The following DLG2 variants were observed in gnomAD, a reference collection of about 807,000 sequenced individuals.
DLG2 encodes disks large homolog 2.
Under a neutral mutation model 132.5 loss-of-function variants are expected in DLG2, and 45 were observed. The ratio of observed to expected loss-of-function variants is 0.34; its 90% CI spans 0.27 to 0.44. DLG2 has a LOEUF of 0.44. Ranked by LOEUF, DLG2 falls within the 20% of genes least tolerant of loss-of-function variation. The pLI, the probability that DLG2 is intolerant of heterozygous loss-of-function variation, is 1.00. For missense variants in DLG2, 1,045 were observed against 1,196.9 expected, an observed-to-expected ratio of 0.87 and a Z score of 1.87; for synonymous variants, 424 against 419.6, an observed-to-expected ratio of 1.01 and a Z score of -0.13.
chr11:84,156,379 C>T (rs1037470081), intron 9 of DLG2, among the ~76,000 whole-genome samples: 2 of 152,098 alleles, frequency 1.3e-5, no homozygotes, highest in African/African-American at 2.4e-5. Flanking sequence ...GTTAGTTGAC[C>T]GAGCATGGAT....
In DLG2 at chr11:84,081,077, A is replaced by G. The variant is rs1387351676; in HGVS notation, c.749+17846T>C. Among the ~76,000 whole-genome samples, 10 of 152,150 alleles carry G rather than the reference A, an allele frequency of 6.6e-5. No homozygotes were observed. In the East Asian group the frequency reaches 1.9e-3, roughly 29 times the overall value. ...TAATTTACAACTAAATCAGACTATA[A>G]TATTTAAAGGAGTTAACAAACGATA... On this transcript the variant is annotated intron_variant, in intron 10 of 27. Transcript: ENST00000376104.
At chr11:84,878,422 T>G (rs1293269030) in intron 6 of DLG2, among the ~76,000 whole-genome samples, 1 of 152,156 alleles carries the variant, frequency 6.6e-6, no homozygotes, top group Non-Finnish European at 1.5e-5. Context: ...TGGATGAAGC[T>G]GGAAACCATC....
chr11:85,214,258 AG>A (rs1447525778), intron 4 of DLG2, among the ~76,000 whole-genome samples: 2 of 152,112 alleles, frequency 1.3e-5, no homozygotes, highest in African/African-American at 4.8e-5. Context: ...CTTGATTATT[AG>A]GACAACCTTC....
In DLG2 at chr11:84,813,400, A is replaced by T. The variant is rs567524915; in HGVS notation, c.358-278669T>A. On this transcript the variant is annotated intron_variant, in intron 6 of 27. Coordinates refer to ENST00000376104, the MANE Select transcript of DLG2 (RefSeq NM_001142699.3). ...CCCGGAGGAGATAACTGAGGTACAG[A>T]GAAGATGATTAACACCCTCCCAACC... 2.0e-5 allele frequency among the ~76,000 whole-genome samples: 3 copies of T among 152,268 alleles called. 1 individual carries two copies. In the South Asian group the frequency reaches 6.2e-4, roughly 32 times the overall value.
At chr11:83,595,253 T>C (rs1056135446) in intron 19 of DLG2, among the ~76,000 whole-genome samples, 1 of 152,234 alleles carries the variant, frequency 6.6e-6, no homozygotes, top group Non-Finnish European at 1.5e-5. Flanking sequence ...CAACTATTAA[T>C]GAAGGCATTA....
chr11:84,796,710 G>A (rs2074664490), intron 6 of DLG2, among the ~76,000 whole-genome samples: 1 of 148,344 alleles, frequency 6.7e-6, no homozygotes, highest in South Asian at 2.1e-4. Context: ...CTTTAAATAT[G>A]TCATGCCACT....
At chr11:85,454,666 T>G (rs1416987231) in intron 3 of DLG2, among the ~76,000 whole-genome samples, 1 of 152,158 alleles carries the variant, frequency 6.6e-6, no homozygotes, top group African/African-American at 2.4e-5. Context: ...TAGTTTTAGG[T>G]TTTACGTTTA....
chr11:84,669,157 G>C (rs545257902), intron 6 of DLG2, among the ~76,000 whole-genome samples: 2 of 152,188 alleles, frequency 1.3e-5, no homozygotes, highest in East Asian at 3.9e-4. Context: ...GCATGTGCTT[G>C]GTGGTTGGGG....
At chr11:85,492,826 A>G (rs2093592001) in intron 3 of DLG2, among the ~76,000 whole-genome samples, 1 of 152,156 alleles carries the variant, frequency 6.6e-6, no homozygotes, top group Non-Finnish European at 1.5e-5. Context: ...TATAATGAGT[A>G]GCTCAAATGA....
chr11:85,363,229 C>G (rs1261867013), intron 3 of DLG2, among the ~76,000 whole-genome samples: 1 of 152,166 alleles, frequency 6.6e-6, no homozygotes, highest in Non-Finnish European at 1.5e-5. Context: ...ATGCAATGTC[C>G]TACTAAGAAG....
At chr11:84,487,640 T>G (rs939860870) in intron 7 of DLG2, among the ~76,000 whole-genome samples, 1 of 152,156 alleles carries the variant, frequency 6.6e-6, no homozygotes, top group Non-Finnish European at 1.5e-5. Context: ...AACATACTAC[T>G]CCAGCCTTTA....
intron 3 of DLG2, among the ~76,000 whole-genome samples, chr11:85,422,127 C>A (rs1377322911): frequency 6.6e-6 from 1 of 152,150 alleles, no homozygotes; most frequent in African/African-American, 2.4e-5. Flanking sequence ...TTCTTTCCTT[C>A]ATCTTAACTT....
intron 6 of DLG2, among the ~76,000 whole-genome samples, chr11:84,711,005 TATAG>T (rs1208622295): frequency 1.6e-5 from 1 of 64,376 alleles, no homozygotes; most frequent in Non-Finnish European, 3.1e-5. Flanking sequence ...TTCATATATA[TATAG>T]ATATATATAT....
chr11:83,551,648 G>A (rs1393039242), intron 19 of DLG2, among the ~76,000 whole-genome samples: 1 of 152,070 alleles, frequency 6.6e-6, no homozygotes, highest in African/African-American at 2.4e-5. Context: ...TGTAGCAGGA[G>A]AAGACCTGAA....
intron 3 of DLG2, among the ~76,000 whole-genome samples, chr11:85,532,848 AT>A (rs553926971): frequency 6.6e-5 from 10 of 152,062 alleles, no homozygotes; most frequent in Middle Eastern, 3.4e-3. Flanking sequence ...AATCAAAGCT[AT>A]TTTTTTTAAT....
chr11:83,793,326 C>T (rs1383219171), intron 17 of DLG2, among the ~76,000 whole-genome samples: 2 of 151,928 alleles, frequency 1.3e-5, no homozygotes, highest in East Asian at 3.8e-4. Flanking sequence ...TTTTTTGGCT[C>T]TTAAGTTTTA....
At chr11:84,499,431 C>A (rs975977328) in intron 7 of DLG2, among the ~76,000 whole-genome samples, 7 of 152,244 alleles carry the variant, frequency 4.6e-5, no homozygotes, top group African/African-American at 1.7e-4. Context: ...GACCTTTACT[C>A]TAAAGAGGTG....
intron 18 of DLG2, among the ~76,000 whole-genome samples, chr11:83,646,366 A>T (rs918143322): frequency 1.3e-5 from 2 of 151,994 alleles, no homozygotes; most frequent in Non-Finnish European, 2.9e-5. Flanking sequence ...ACAGAGAGAG[A>T]GAGAGAGAGA....
chr11:83,825,177 T>A lies in DLG2; in HGVS notation c.1722+8437A>T, dbSNP rs1237482169. On this transcript the variant is annotated intron_variant, in intron 17 of 27. Transcript: ENST00000376104. ...CATATATATATATATATATATTTTT[T>A]TTTTTTTTTTTTTTTTTTTTTGAGA... is the stretch of plus-strand genomic sequence containing the variant. Among the ~76,000 whole-genome samples the A allele has an allele frequency of 7.9e-3, 182 of 23,034 alleles. 1 individual carries two copies. The highest frequency in any genetic ancestry group is 0.05 in the East Asian group (48 of 956). 15.1% of individuals were successfully genotyped at this position (23,034 alleles called of 152,430 possible). A position where few individuals can be genotyped will look rare whatever the true frequency, so the allele number is the denominator to read the frequency against.
Sources: allele counts gnomAD v4.1 joint callset (sites outside exome capture counted in the v4.1 genomes callset), GRCh38; gene constraint gnomAD v4.1.1; transcripts MANE v1.5; gene names NCBI Gene and HGNC (gene_info 2026-07-23, HGNC 2026-07-21).